Variants in MINK1 observed in about 807,000 individuals in gnomAD.
MINK1 encodes the protein misshapen-like kinase 1.
Under a neutral mutation model 178.4 loss-of-function variants are expected in MINK1, and 46 were observed. The ratio of observed to expected loss-of-function variants is 0.26; its 90% CI spans 0.20 to 0.33. The LOEUF is 0.33. Ranked by LOEUF, MINK1 falls within the 10% of genes least tolerant of loss-of-function variation. The pLI is 1.00. For synonymous variants in MINK1, 797 were observed against 709.7 expected (o/e 1.12, Z -1.96); for missense variants, 1,366 against 1,814.9 (o/e 0.75, Z 4.49).
rs1969316336 is a variant in MINK1, at chr17:4,895,101, C to T, written c.2944C>T (p.Leu982Phe). 1.9e-6 allele frequency: 3 copies of T among 1,613,640 alleles called. No individual in the cohort carries two copies. Among genetic ancestry groups the T allele is most frequent in the Non-Finnish European group, 1.7e-6 (2 of 1,179,998 alleles). The change falls in exon 25 of 32, where the codon CTC (leucine) becomes TTC (phenylalanine). Residue 982 changes from leucine to phenylalanine, a missense_variant. Leu to Phe is a conservative substitution (Grantham distance 22). Transcript: ENST00000355280. This position sits in a 1 kb window ranked among gnomAD's most constrained non-coding sequence, Gnocchi z 4.3. ...TALVGGEGTR[L>F]DQLQYDVRKG... ...CCTAGTGGGTGGAGAGGGCACTCGG[C>T]TCGACCAGCTGCAGTACGACGTGAG...
Position 4,894,122 on chromosome 17 carries a change from A to G in MINK1, c.2670+29A>G. ...AGTGAGCCTCTGCTCCCTCCCCTGT[A>G]CCTGTGTGTGCCCTCCTCAGCCCCA... On this transcript the variant is annotated intron_variant, in intron 22 of 31. Transcript: ENST00000355280. The surrounding 1 kb of genome is among the most constrained non-coding windows in gnomAD (Gnocchi z 4.1). 1 of 1,607,962 alleles carries G rather than the reference A, an allele frequency of 6.2e-7. No homozygotes were observed. The highest frequency in any genetic ancestry group is 1.3e-5 in the African/African-American group (1 of 74,754).
At chr17:4,854,220 C>T (rs1912658644) in intron 1 of MINK1, among the ~76,000 whole-genome samples, 1 of 152,136 alleles carries the variant, frequency 6.6e-6, no homozygotes, top group South Asian at 2.1e-4. Flanking sequence ...TCTTCTCCCT[C>T]ACTCCCTCCC....
At chr17:4,889,944 T>G in intron 13 of MINK1, 181 bp downstream of exon 13, 6 of 550,638 alleles carry the variant, frequency 1.1e-5, no homozygotes, top group East Asian at 3.1e-5. Context: ...CCCCTCCCTC[T>G]TCCTTCCCTG....
chr17:4,859,934 G>T (rs1338824229), intron 1 of MINK1, among the ~76,000 whole-genome samples: 1 of 151,234 alleles, frequency 6.6e-6, no homozygotes, highest in African/African-American at 2.4e-5. Context: ...ACTACTTTCC[G>T]CATGCGGAGC....
chr17:4,891,140 C>A lies in MINK1; in HGVS notation c.1740+16C>A. 6.7e-7 allele frequency: 1 copy of A among 1,494,676 alleles called. No homozygotes were observed. Among genetic ancestry groups the A allele is most frequent in the Non-Finnish European group, 8.9e-7 (1 of 1,123,000 alleles). 92.6% of individuals were successfully genotyped at this position (1,494,676 alleles called of 1,614,324 possible). ...ACCGCACAAGGTGAGTCTCTCCCCA[C>A]CCCTGTCTTAATGAAGACACAGGGA... On this transcript the variant is annotated intron_variant, in intron 15 of 31. Coordinates refer to ENST00000355280, the MANE Select transcript of MINK1 (RefSeq NM_153827.5).
chr17:4,867,183 T>C (rs1288100207), intron 1 of MINK1, among the ~76,000 whole-genome samples: 1 of 132,806 alleles, frequency 7.5e-6, no homozygotes, highest in African/African-American at 2.9e-5. Flanking sequence ...GGTCTTGCTC[T>C]GTCATCCAGG....
intron 2 of MINK1, 146 bp downstream of exon 2, chr17:4,878,528 A>G: frequency 1.5e-6 from 1 of 687,850 alleles, no homozygotes; most frequent in African/African-American, 1.8e-5. Context: ...AGAGTGGGGG[A>G]GAGGAAAGAG....
At position 4,894,951 on chromosome 17, in the gene MINK1, C is replaced by T; in HGVS notation, c.2918-124C>T. On this transcript the variant is annotated intron_variant, in intron 24 of 31. Transcript: ENST00000355280. The surrounding 1 kb of genome is among the most constrained non-coding windows in gnomAD (Gnocchi z 4.1). ...CCCCCTCTCCCATGCACCTCCTCTC[C>T]TCCTGTCTTTCTCCTCCTTTCTGCG... 1 of 1,089,364 alleles carries T rather than the reference C, an allele frequency of 9.2e-7. No homozygotes were observed. Among genetic ancestry groups the T allele is most frequent in the Non-Finnish European group, 1.3e-6 (1 of 760,236 alleles). The allele number at this position is 1,089,364 out of a possible 1,614,324, so 67.5% of individuals were successfully genotyped here.
In MINK1 at chr17:4,896,920, G is replaced by A. The variant is rs576549700; in HGVS notation, c.3915+107G>A. On this transcript the variant is annotated intron_variant, in intron 31 of 31. Transcript: ENST00000355280. The surrounding 1 kb of genome is among the most constrained non-coding windows in gnomAD (Gnocchi z 4.6). The stretch of plus-strand genomic sequence containing the variant: ...ATGGTGGTGGTGGCTTCCTGAAAGC[G>A]GGCCCCTCTGGGAGCTCAGAGGGCA... 1.6e-4 allele frequency: 224 copies of A among 1,408,870 alleles called. No homozygotes were observed. The highest frequency in any genetic ancestry group is 7.7e-4 in the South Asian group (51 of 66,344). 87.3% of individuals were successfully genotyped at this position (1,408,870 alleles called of 1,614,324 possible). A position where few individuals can be genotyped will look rare whatever the true frequency, so the allele number is the denominator to read the frequency against.
At chr17:4,874,676 G>A (rs991610492) in intron 1 of MINK1, among the ~76,000 whole-genome samples, 1 of 152,150 alleles carries the variant, frequency 6.6e-6, no homozygotes, top group Admixed American at 6.5e-5. Flanking sequence ...AAGCGGTGCT[G>A]CTATTGAAAC....
intron 1 of MINK1, among the ~76,000 whole-genome samples, chr17:4,854,426 G>C (rs867223084): frequency 4.6e-5 from 7 of 152,338 alleles, no homozygotes; most frequent in Admixed American, 6.5e-5. Context: ...CCTTTGAGAG[G>C]AGGAGGGGAA....
At position 4,897,807 on chromosome 17, in the gene MINK1, A is replaced by T. The variant is rs1009807813; in HGVS notation, c.*520A>T. ...CACTTTAATGATTCCCCTTCCCCCA[A>T]ACTCCAGGGAATGGAGGGGGGACCC... On this transcript the variant is annotated 3_prime_UTR_variant, in exon 32 of 32. Transcript: ENST00000355280. 1 of 151,780 alleles carries T rather than the reference A, an allele frequency of 6.6e-6. No homozygotes were observed. The highest frequency in any genetic ancestry group is 6.6e-5 in the Admixed American group (1 of 15,226). 9.4% of individuals were successfully genotyped at this position (151,780 alleles called of 1,614,324 possible). A position where few individuals can be genotyped will look rare whatever the true frequency, so the allele number is the denominator to read the frequency against.
At chr17:4,882,812 C>T (rs1001591250) in intron 4 of MINK1, among the ~76,000 whole-genome samples, 7 of 151,980 alleles carry the variant, frequency 4.6e-5, no homozygotes, top group African/African-American at 7.2e-5. Context: ...TGTTTTTTCC[C>T]GCAACCATTT....
At chr17:4,847,733 G>A (rs1325503923) in intron 1 of MINK1, among the ~76,000 whole-genome samples, 1 of 152,190 alleles carries the variant, frequency 6.6e-6, no homozygotes, top group Non-Finnish European at 1.5e-5. Context: ...CAGAAACGGG[G>A]GGTGCCAGTG....
rs577429451 is a variant in MINK1, at chr17:4,866,721, A to G, written c.58-11596A>G. Among the ~76,000 whole-genome samples, 4 of 152,162 alleles carry G rather than the reference A, an allele frequency of 2.6e-5. No individual in the cohort carries two copies. The East Asian group carries it at 5.8e-4, about 22-fold the overall frequency. On this transcript the variant is annotated intron_variant, in intron 1 of 31. Transcript: ENST00000355280. The stretch of plus-strand genomic sequence containing the variant: ...CAGCAGCCTGAGACGGCAGTGAGCC[A>G]TGATTCTGGCACTGCACTCCAGCCT...
At chr17:4,897,158 C>G (rs771821169) in intron 31 of MINK1, 46 bp from the exon 32 acceptor site, 2 of 1,530,120 alleles carry the variant, frequency 1.3e-6, no homozygotes, top group Non-Finnish European at 1.8e-6. Flanking sequence ...GTTGAGACAC[C>G]CCCCCAACCT....
chr17:4,897,365 T>C lies in MINK1; in HGVS notation c.*78T>C. 2.2e-6 allele frequency: 3 copies of C among 1,365,762 alleles called. No homozygotes were observed. The highest frequency in any genetic ancestry group is 3.1e-6 in the Non-Finnish European group (3 of 966,518). 84.6% of individuals were successfully genotyped at this position (1,365,762 alleles called of 1,614,324 possible). A position where few individuals can be genotyped will look rare whatever the true frequency, so the allele number is the denominator to read the frequency against. On this transcript the variant is annotated 3_prime_UTR_variant, in exon 32 of 32. Coordinates refer to ENST00000355280, the MANE Select transcript of MINK1 (RefSeq NM_153827.5). ...CCAGGCTTCCCGGGCCGCCCCTCTT[T>C]CCCCTCCCTGGGCTTTTGCTTTTAC...
chr17:4,859,853 C>T (rs897838200), intron 1 of MINK1, among the ~76,000 whole-genome samples: 1 of 140,792 alleles, frequency 7.1e-6, no homozygotes, highest in African/African-American at 2.7e-5. Flanking sequence ...TTTGCATTTG[C>T]TAAAGTACTT....
At chr17:4,873,617 C>CTTTTTTCTTTTCT in intron 1 of MINK1, among the ~76,000 whole-genome samples, 1 of 108,068 alleles carries the variant, frequency 9.3e-6, no homozygotes, top group African/African-American at 3.6e-5. Context: ...TTTTTCTTTT[C>CTTTTTTCTTTTCT]TTTTTTTTTT....
Sources: gnomAD v4.1 joint callset for allele counts (sites outside exome capture counted in the v4.1 genomes callset) on GRCh38, gnomAD v4.1.1 for gene constraint, Gnocchi (gnomAD v3.1) non-coding constraint, MANE v1.5 for transcripts, NCBI Gene and HGNC (gene_info 2026-07-23, HGNC 2026-07-21) for gene names.